The following PRPS2 variants were observed in gnomAD, a reference collection of about 807,000 sequenced individuals.
The protein encoded by PRPS2 is phosphoribosyl pyrophosphate synthetase 2.
For synonymous variants in PRPS2, 111 were observed against 115.3 expected, an observed-to-expected ratio of 0.96 and a Z score of 0.24; for missense variants, 104 against 271.5, an observed-to-expected ratio of 0.38 and a Z score of 4.34.
chrX:12,803,767 G>C (rs953068069), intron 2 of PRPS2, among the ~76,000 whole-genome samples: 3 of 112,358 alleles, frequency 2.7e-5, no homozygotes, highest in African/African-American at 9.7e-5. Context: ...CCACCATTCA[G>C]CTCACTTCAG....
intron 2 of PRPS2, among the ~76,000 whole-genome samples, chrX:12,805,522 T>C (rs979976037): frequency 8.9e-6 from 1 of 112,261 alleles, no homozygotes. Context: ...CATTAGTCAA[T>C]GTGTACATGA....
chrX:12,804,942 G>T (rs986907432), intron 2 of PRPS2, among the ~76,000 whole-genome samples: 10 of 110,907 alleles, frequency 9.0e-5, no homozygotes, highest in African/African-American at 3.3e-4. Flanking sequence ...GCTCTTCTTG[G>T]AATGCCTTGC....
chrX:12,799,324 G>C lies in PRPS2; in HGVS notation c.240G>C (p.Ala80=). 8.3e-7 allele frequency: 1 copy of C among 1,211,467 alleles called. No homozygotes were observed. Among genetic ancestry groups the C allele is most frequent in the Non-Finnish European group, 1.1e-6 (1 of 895,413 alleles). ...TCATGATCAATGCCTGCAAGATTGC[G>C]TCATCATCCAGAGTAACTGCCGTGA... The part of the protein sequence containing the change: ...LLIMINACKI[A]SSSRVTAVIP... The change falls in exon 2 of 7, where the codon GCG becomes GCC. Residue 80 remains alanine (A), a synonymous_variant. Coordinates refer to ENST00000380668, the MANE Select transcript of PRPS2 (RefSeq NM_002765.5).
chrX:12,820,555 C>A, intron 5 of PRPS2, 89 bp from the exon 6 acceptor site: 1 of 972,689 alleles, frequency 1.0e-6, no homozygotes, highest in Non-Finnish European at 1.4e-6. Flanking sequence ...TTTTACGGAG[C>A]ACACTTTGTG....
intron 2 of PRPS2, among the ~76,000 whole-genome samples, chrX:12,808,368 TTTC>T (rs981718133): frequency 1.8e-5 from 2 of 110,119 alleles, no homozygotes; most frequent in Admixed American, 9.8e-5. Context: ...AAGCTTTTAT[TTTC>T]TTTTTTGTGG....
At chrX:12,812,664 G>A (rs1266348) in intron 4 of PRPS2, among the ~76,000 whole-genome samples, 25,786 of 110,844 alleles carry the variant, frequency 0.23, 2,212 homozygotes, top group East Asian at 0.39. Context: ...CTCCAAATAC[G>A]TACAGTTTAC....
intron 1 of PRPS2, among the ~76,000 whole-genome samples, chrX:12,792,053 T>A (rs1345371137): frequency 8.8e-6 from 1 of 113,117 alleles, no homozygotes. Flanking sequence ...GGTCCCAGTT[T>A]CCGCGTCCCT....
intron 1 of PRPS2, 112 bp downstream of exon 1, chrX:12,791,731 T>A: frequency 1.4e-6 from 1 of 738,951 alleles, no homozygotes; most frequent in East Asian, 1.1e-4. Context: ...GCGCTCCCCC[T>A]TCCGGGGCGG....
At chrX:12,805,178 AAAT>A (rs1274888250) in intron 2 of PRPS2, among the ~76,000 whole-genome samples, 1 of 112,409 alleles carries the variant, frequency 8.9e-6, no homozygotes, top group Admixed American at 9.4e-5. Flanking sequence ...TAACATAGAA[AAAT>A]AATGATGATG....
intron 2 of PRPS2, among the ~76,000 whole-genome samples, chrX:12,805,262 T>C (rs2042587845): frequency 8.9e-6 from 1 of 112,759 alleles, no homozygotes; most frequent in African/African-American, 3.2e-5. Context: ...TAGGCTCAGA[T>C]TTGAATTCCA....
intron 6 of PRPS2, among the ~76,000 whole-genome samples, chrX:12,821,271 G>T (rs2042674276): frequency 1.8e-5 from 2 of 112,025 alleles, no homozygotes; most frequent in Admixed American, 9.5e-5. Context: ...ATACTATTCA[G>T]CCTTTAAAGG....
intron 4 of PRPS2, among the ~76,000 whole-genome samples, chrX:12,811,537 A>C (rs1361405217): frequency 8.9e-6 from 1 of 111,756 alleles, no homozygotes; most frequent in East Asian, 2.8e-4. Context: ...TTTATTGTGT[A>C]GGTAGAGACC....
At chrX:12,816,166 A>T (rs2042646802) in intron 4 of PRPS2, among the ~76,000 whole-genome samples, 1 of 111,511 alleles carries the variant, frequency 9.0e-6, no homozygotes, top group African/African-American at 3.3e-5. Context: ...ACCTCAATAT[A>T]GTAATGATTC....
In PRPS2 at chrX:12,791,557, C is replaced by A; in HGVS notation, c.60C>A (p.Ala20=). ...SSHQDLSQRV[A]DRLGLELGKV... ...ATCAGGACCTGTCCCAGCGCGTGGC[C>A]GACCGCCTGGGCCTGGAGCTGGGCA... Residue 20 remains alanine, a synonymous_variant, in exon 1 of 7, where the codon GCC becomes GCA. Coordinates refer to ENST00000380668, the MANE Select transcript of PRPS2 (RefSeq NM_002765.5). 3.3e-6 allele frequency: 4 copies of A among 1,202,052 alleles called. No individual in the cohort carries two copies. The highest frequency in any genetic ancestry group is 4.5e-6 in the Non-Finnish European group (4 of 891,141).
intron 4 of PRPS2, among the ~76,000 whole-genome samples, chrX:12,813,747 G>A (rs538128751): frequency 1.8e-5 from 2 of 111,599 alleles, no homozygotes; most frequent in South Asian, 3.8e-4. Context: ...TGGCTGGGAC[G>A]TTTCTTGTGG....
rs376505032 is a variant in PRPS2 at position 12,806,043 on chromosome X, A to G, written c.307-3191A>G. Among the ~76,000 whole-genome samples, 4 of 106,759 alleles carry G rather than the reference A, an allele frequency of 3.7e-5. No individual in the cohort carries two copies. In the East Asian group the frequency reaches 1.2e-3, roughly 31 times the overall value. The allele number at this position is 106,759 out of a possible 115,157, so 92.7% of individuals were successfully genotyped here. On this transcript the variant is annotated intron_variant, in intron 2 of 6. Transcript: ENST00000380668. ...CAGTGAGCTGAGATCTCACCACTGC[A>G]CTCCAGCCTGGGTGACAGAGCGGGA...
Position 12,799,207 on chromosome X carries a change from C to T in PRPS2, c.123C>T (p.Ser41=), listed in dbSNP as rs374782015. 6 of 1,207,157 alleles carry T rather than the reference C, an allele frequency of 5.0e-6. No homozygotes were observed. The African/African-American group carries it at 8.8e-5, about 18-fold the overall frequency. ...ACCGATGGCAGTTTTCTTTTCCTAG[C>T]GTGGAGATTGGTGAAAGCGTGAGAG... ...VTKKFSNQET[S]VEIGESVRGE... is the part of the protein sequence containing the mutation. The change falls in exon 2 of 7, where the codon AGC becomes AGT. Residue 41 remains serine (S), a splice_region_variant and synonymous_variant. Coordinates refer to ENST00000380668, the MANE Select transcript of PRPS2 (RefSeq NM_002765.5).
intron 3 of PRPS2, 94 bp from the exon 4 acceptor site, chrX:12,809,928 A>G: frequency 1.9e-6 from 2 of 1,045,852 alleles, no homozygotes; most frequent in African/African-American, 1.9e-5. Flanking sequence ...AAAAAATGCA[A>G]ATGTTATTTA....
intron 1 of PRPS2, among the ~76,000 whole-genome samples, chrX:12,796,080 T>C (rs1053729133): frequency 9.0e-6 from 1 of 111,706 alleles, no homozygotes; most frequent in African/African-American, 3.3e-5. Context: ...GGGGTCTTGC[T>C]ATGTTGCCCA....
Sources: allele counts gnomAD v4.1 joint callset (sites outside exome capture counted in the v4.1 genomes callset), GRCh38; gene constraint gnomAD v4.1.1; transcripts MANE v1.5; gene names NCBI Gene and HGNC (gene_info 2026-07-23, HGNC 2026-07-21).